Variants in MEGF11 observed in about 807,000 individuals in gnomAD.
MEGF11 encodes multiple EGF like domains 11, also known as multiple epidermal growth factor-like domains protein 11.
In MEGF11, 126 loss-of-function variants were observed where a neutral mutation model predicts 146.6. The ratio of observed to expected loss-of-function variants is 0.86; its 90% CI spans 0.74 to 1.00. MEGF11 has a LOEUF of 1.00. Among genes scored for constraint, MEGF11 ranks in the 50% least tolerant of loss-of-function variants. MEGF11 has a pLI of 0.00. For synonymous variants in MEGF11, 532 were observed against 583.4 expected (o/e 0.91, Z 1.27); for missense variants, 1,509 against 1,521.2 (o/e 0.99, Z 0.13).
At chr15:65,936,304 C>T (rs1006494723) in intron 10 of MEGF11, among the ~76,000 whole-genome samples, 6 of 152,286 alleles carry the variant, frequency 3.9e-5, no homozygotes, top group Admixed American at 3.9e-4. Context: ...TGCCTTCCTC[C>T]ACCTTAGGCC....
intron 1 of MEGF11, among the ~76,000 whole-genome samples, chr15:66,191,227 G>A (rs1281293041): frequency 6.6e-6 from 1 of 152,178 alleles, no homozygotes; most frequent in Non-Finnish European, 1.5e-5. Flanking sequence ...TGGGGACCAC[G>A]GTGAAGTCTG....
intron 1 of MEGF11, among the ~76,000 whole-genome samples, chr15:66,179,709 C>G (rs1014632949): frequency 1.3e-5 from 2 of 152,102 alleles, no homozygotes; most frequent in African/African-American, 4.8e-5. Context: ...GTTCCCAAAC[C>G]CATGTTACCC....
At chr15:66,009,780 G>A (rs1377925796) in intron 5 of MEGF11, among the ~76,000 whole-genome samples, 1 of 151,894 alleles carries the variant, frequency 6.6e-6, no homozygotes, top group African/African-American at 2.4e-5. Context: ...ATTTTTAGTA[G>A]AGGCGGGGTT....
intron 1 of MEGF11, among the ~76,000 whole-genome samples, chr15:66,149,677 T>C (rs919220350): frequency 3.3e-5 from 5 of 152,194 alleles, no homozygotes; most frequent in Admixed American, 1.3e-4. Flanking sequence ...GTCATGCAGT[T>C]ACAAAGGTTA....
chr15:66,186,080 G>T (rs1218008426), intron 1 of MEGF11, among the ~76,000 whole-genome samples: 1 of 152,182 alleles, frequency 6.6e-6, no homozygotes, highest in Non-Finnish European at 1.5e-5. Flanking sequence ...CGCCTAGACA[G>T]ATGAGGACAT....
At chr15:66,120,087 C>G (rs2087946658) in intron 3 of MEGF11, among the ~76,000 whole-genome samples, 2 of 152,204 alleles carry the variant, frequency 1.3e-5, no homozygotes, top group African/African-American at 4.8e-5. Flanking sequence ...TAATCAGGGT[C>G]AGAGCCAGGA....
At chr15:65,974,120 C>T (rs2081378494) in intron 7 of MEGF11, among the ~76,000 whole-genome samples, 1 of 152,158 alleles carries the variant, frequency 6.6e-6, no homozygotes, top group Non-Finnish European at 1.5e-5. Flanking sequence ...CACCAATAAT[C>T]ACCAACCCTG....
intron 5 of MEGF11, among the ~76,000 whole-genome samples, chr15:66,087,072 CAA>C (rs752314385): frequency 1.3e-5 from 2 of 152,108 alleles, no homozygotes; most frequent in Admixed American, 6.5e-5. Flanking sequence ...TTAAGAGAGA[CAA>C]AGAGGGATAT....
At position 65,929,707 on chromosome 15, in the gene MEGF11, C is replaced by T; in HGVS notation, c.1572+13G>A. ...GCGGAGCCCAACCTGTCCCTCCCCA[C>T]CCTGGCACTCACCGGGCAAGGCAGC... On this transcript the variant is annotated intron_variant, in intron 12 of 25. Coordinates refer to ENST00000395614, the MANE Select transcript of MEGF11 (RefSeq NM_001385028.1). The T allele has an allele frequency of 6.5e-7, 1 of 1,548,880 alleles. No homozygotes were observed. The highest frequency in any genetic ancestry group is 8.7e-7 in the Non-Finnish European group (1 of 1,145,272).
At chr15:65,995,071 G>A (rs1170686854) in intron 5 of MEGF11, among the ~76,000 whole-genome samples, 1 of 152,210 alleles carries the variant, frequency 6.6e-6, no homozygotes, top group Non-Finnish European at 1.5e-5. Flanking sequence ...CTTGTGTAAT[G>A]AGTGGGATTT....
intron 10 of MEGF11, among the ~76,000 whole-genome samples, chr15:65,939,062 G>A (rs1158995525): frequency 1.3e-5 from 2 of 152,186 alleles, no homozygotes; most frequent in Non-Finnish European, 2.9e-5. Context: ...TCACACAAAA[G>A]AGGGAGGCAA....
intron 24 of MEGF11, among the ~76,000 whole-genome samples, chr15:65,901,604 CTG>C (rs1226315083): frequency 4.0e-5 from 6 of 151,058 alleles, no homozygotes; most frequent in East Asian, 4.0e-4. Flanking sequence ...TAAAGGCAAA[CTG>C]TATCTGCAGC....
At chr15:65,974,261 G>A (rs2081382906) in intron 7 of MEGF11, among the ~76,000 whole-genome samples, 1 of 151,986 alleles carries the variant, frequency 6.6e-6, no homozygotes. Flanking sequence ...TCAGAAGTAG[G>A]GGGGCTAAGA....
chr15:66,214,647 G>A (rs962505205), intron 1 of MEGF11, among the ~76,000 whole-genome samples: 4 of 152,178 alleles, frequency 2.6e-5, no homozygotes, highest in Admixed American at 2.0e-4. Context: ...TGTTCAGGCA[G>A]AGACACCTCC....
intron 1 of MEGF11, among the ~76,000 whole-genome samples, chr15:66,214,334 G>A (rs1434974139): frequency 1.3e-5 from 2 of 152,160 alleles, no homozygotes; most frequent in Admixed American, 1.3e-4. Flanking sequence ...CCTGGCCAGA[G>A]CAGGCCACTT....
intron 1 of MEGF11, among the ~76,000 whole-genome samples, chr15:66,149,879 C>T (rs1252973471): frequency 6.6e-6 from 1 of 152,242 alleles, no homozygotes; most frequent in African/African-American, 2.4e-5. Context: ...CCAGCCCCAC[C>T]AGACCTCACT....
intron 1 of MEGF11, among the ~76,000 whole-genome samples, chr15:66,229,093 C>T (rs1034157313): frequency 1.3e-5 from 2 of 152,114 alleles, no homozygotes; most frequent in African/African-American, 4.8e-5. Flanking sequence ...TCAAATTGCC[C>T]GGCTTGTGTT....
At chr15:66,083,633 A>G (rs1188056103) in intron 5 of MEGF11, among the ~76,000 whole-genome samples, 2 of 151,988 alleles carry the variant, frequency 1.3e-5, no homozygotes, top group Non-Finnish European at 2.9e-5. Flanking sequence ...ATTGGACTTC[A>G]TAAAAAAAAA....
chr15:66,201,778 CAAAAA>C (rs60006667), intron 1 of MEGF11, among the ~76,000 whole-genome samples: 1 of 99,208 alleles, frequency 1.0e-5, no homozygotes, highest in Admixed American at 1.0e-4. Context: ...CTAAAAATCC[CAAAAA>C]AAAAAAAAAA....
Sources: allele counts gnomAD v4.1 joint callset (sites outside exome capture counted in the v4.1 genomes callset), GRCh38; gene constraint gnomAD v4.1.1; transcripts MANE v1.5; gene names NCBI Gene and HGNC (gene_info 2026-07-23, HGNC 2026-07-21).